FAM89A: variants seen among roughly 807,000 people sequenced by gnomAD.
The protein encoded by FAM89A is family with sequence similarity 89 member A.
Under a neutral mutation model 7.1 loss-of-function variants are expected in FAM89A, and 10 were observed. The ratio of observed to expected loss-of-function variants is 1.40; its 90% CI spans 0.86 to 2.38. The LOEUF (loss-of-function observed/expected upper bound fraction) is 2.38. Among genes scored for constraint, FAM89A ranks in the 30% most tolerant of loss-of-function variants. The probability of loss-of-function intolerance (pLI) is 0.00; values close to 1 mark genes in which losing one functional copy is unlikely to be tolerated. For synonymous variants in FAM89A, 157 were observed against 129.3 expected, an observed-to-expected ratio of 1.21 and a Z score of -1.45; for missense variants, 276 against 262.8, an observed-to-expected ratio of 1.05 and a Z score of -0.35.
rs920594500 is a variant in FAM89A, at chr1:231,019,098, C to T, written c.*765G>A. ...GCTTTCTAGCACACTAGTTTACATT[C>T]GGAATCTTAAAAATGAAAACATTTG... is the stretch of plus-strand genomic sequence containing the variant. On this transcript the variant is annotated 3_prime_UTR_variant, in exon 2 of 2. Coordinates refer to ENST00000366654, the MANE Select transcript of FAM89A (RefSeq NM_198552.3). The T allele has an allele frequency of 7.9e-5, 12 of 151,406 alleles. No homozygotes were observed. Among genetic ancestry groups the T allele is most frequent in the East Asian group, 3.9e-4 (2 of 5,164 alleles). The allele number at this position is 151,406 out of a possible 1,614,324, so 9.4% of individuals were successfully genotyped here. A position where few individuals can be genotyped will look rare whatever the true frequency, so the allele number is the denominator to read the frequency against.
intron 1 of FAM89A, among the ~76,000 whole-genome samples, chr1:231,032,083 T>A (rs1048091287): frequency 6.6e-6 from 1 of 152,228 alleles, no homozygotes; most frequent in African/African-American, 2.4e-5. Flanking sequence ...CTACTTTTCA[T>A]CACAAAATAA....
chr1:231,035,478 C>T lies in FAM89A; in HGVS notation c.291+4443G>A, dbSNP rs528526454. The stretch of plus-strand genomic sequence containing the variant: ...AAGAATCCCCAGGGATGCTGCTCCT[C>T]AAAGATCTCCTGCCCCCAGGGCTGA... On this transcript the variant is annotated intron_variant, in intron 1 of 1. Coordinates refer to ENST00000366654, the MANE Select transcript of FAM89A (RefSeq NM_198552.3). 2.0e-5 allele frequency among the ~76,000 whole-genome samples: 3 copies of T among 152,316 alleles called. No homozygotes were observed. In the East Asian group the frequency reaches 5.8e-4, roughly 29 times the overall value.
intron 1 of FAM89A, among the ~76,000 whole-genome samples, chr1:231,029,098 A>C (rs1488342085): frequency 6.6e-6 from 1 of 152,226 alleles, no homozygotes; most frequent in Non-Finnish European, 1.5e-5. Flanking sequence ...GACCACTAGG[A>C]AACAAGGCTT....
At chr1:231,034,975 T>A (rs1394248018) in intron 1 of FAM89A, among the ~76,000 whole-genome samples, 4 of 152,208 alleles carry the variant, frequency 2.6e-5, no homozygotes, top group Admixed American at 2.6e-4. Context: ...CCGCTAGACA[T>A]CCCCAGTCTC....
chr1:231,040,079 C>T lies in FAM89A; in HGVS notation c.133G>A (p.Gly45Arg), dbSNP rs898398332. Residue 45 changes from glycine (G) to arginine (R), a missense_variant, in exon 1 of 2, where the codon GGG becomes AGG. Transcript: ENST00000366654. ...LHSASGGGASGGWRHLERLYA... is the reference protein window; with the variant it reads ...LHSASGGGASRGWRHLERLYA... ...AGCCGCTCCAGGTGCCGCCAGCCCCCAGACGCGCCGCCGCCCGACGCCGAG... is the reference window on the plus strand; with the variant it reads ...AGCCGCTCCAGGTGCCGCCAGCCCCTAGACGCGCCGCCGCCCGACGCCGAG... 16 of 1,444,208 alleles carry T rather than the reference C, an allele frequency of 1.1e-5. No homozygotes were observed. Among genetic ancestry groups the T allele is most frequent in the Admixed American group, 2.3e-5 (1 of 43,184 alleles). The allele number at this position is 1,444,208 out of a possible 1,614,324, so 89.5% of individuals were successfully genotyped here.
At position 231,040,075 on chromosome 1, in the gene FAM89A, C is replaced by A. The variant is rs866545541; in HGVS notation, c.137G>T (p.Gly46Val). The A allele has an allele frequency of 6.9e-7, 1 of 1,443,022 alleles. No homozygotes were observed. Among genetic ancestry groups the A allele is most frequent in the Non-Finnish European group, 9.1e-7 (1 of 1,099,606 alleles). The allele number at this position is 1,443,022 out of a possible 1,614,324, so 89.4% of individuals were successfully genotyped here. A position where few individuals can be genotyped will look rare whatever the true frequency, so the allele number is the denominator to read the frequency against. Residue 46 changes from glycine to valine, a missense_variant, in exon 1 of 2, where the codon GGC (glycine) becomes GTC (valine). By Grantham distance (109) the Gly-to-Val change is moderately radical. Coordinates refer to ENST00000366654, the MANE Select transcript of FAM89A (RefSeq NM_198552.3). ...GTACAGCCGCTCCAGGTGCCGCCAG[C>A]CCCCAGACGCGCCGCCGCCCGACGC... ...HSASGGGASG[G>V]WRHLERLYAQ...
chr1:231,025,465 A>T (rs1420944785), intron 1 of FAM89A, among the ~76,000 whole-genome samples: 4 of 152,162 alleles, frequency 2.6e-5, no homozygotes, highest in Admixed American at 1.3e-4. Context: ...CGAAAGACAG[A>T]CAGTTTCCAG....
rs1680232514 is a variant in FAM89A, at chr1:231,039,982, G to A, written c.230C>T (p.Ala77Val). 1 of 1,377,146 alleles carries A rather than the reference G, an allele frequency of 7.3e-7. No homozygotes were observed. The highest frequency in any genetic ancestry group is 1.5e-5 in the African/African-American group (1 of 65,682). 85.3% of individuals were successfully genotyped at this position (1,377,146 alleles called of 1,614,324 possible). ...GGPGGGGARA[A>V]ALPAKPPNLD... ...GTTGGGAGGCTTGGCGGGCAGCGCTGCCGCCCGGGCCCCGCCGCCGCCCGG... is the reference window on the plus strand; with the variant it reads ...GTTGGGAGGCTTGGCGGGCAGCGCTACCGCCCGGGCCCCGCCGCCGCCCGG... Residue 77 changes from alanine (A) to valine (V), a missense_variant, in exon 1 of 2, where the codon GCA becomes GTA. By Grantham distance (64) the Ala-to-Val change is moderately conservative. Coordinates refer to ENST00000366654, the MANE Select transcript of FAM89A (RefSeq NM_198552.3).
chr1:231,019,961 T>G lies in FAM89A; in HGVS notation c.457A>C (p.Asn153His), dbSNP rs778031852. The change falls in exon 2 of 2, where the codon AAC becomes CAC. Residue 153 changes from asparagine to histidine, a missense_variant. By Grantham distance (68) the Asn-to-His change is moderately conservative. Coordinates refer to ENST00000366654, the MANE Select transcript of FAM89A (RefSeq NM_198552.3). ...CGGTCCCTCCTGTCGTGCAGGGAGT[T>G]CTGCTCCTGGAAATATTCCTCCTCT... ...DEEEEYFQEQ[N>H]SLHDRRDRGP... 6.2e-7 allele frequency: 1 copy of G among 1,614,104 alleles called. No individual in the cohort carries two copies. Among genetic ancestry groups the G allele is most frequent in the East Asian group, 2.2e-5 (1 of 44,862 alleles).
rs1679842566 is a variant in FAM89A, at chr1:231,019,964, G to A, written c.454C>T (p.Gln152Ter). Residue 152 changes from glutamine to a stop codon, truncating the protein, a stop_gained, in exon 2 of 2, where the codon CAG becomes TAG. Coordinates refer to ENST00000366654, the MANE Select transcript of FAM89A (RefSeq NM_198552.3). LOFTEE classifies it low-confidence loss of function (END_TRUNC). Reference sequence around the variant, plus strand: ...TCCCTCCTGTCGTGCAGGGAGTTCTGCTCCTGGAAATATTCCTCCTCTTCA... The same window carrying A: ...TCCCTCCTGTCGTGCAGGGAGTTCTACTCCTGGAAATATTCCTCCTCTTCA... Reference protein sequence around the residue: ...FDEEEEYFQEQNSLHDRRDRG... With the variant: ...FDEEEEYFQE 1.1e-5 allele frequency: 17 copies of A among 1,614,140 alleles called. No homozygotes were observed. The highest frequency in any genetic ancestry group is 1.4e-5 in the Non-Finnish European group (17 of 1,180,018).
intron 1 of FAM89A, among the ~76,000 whole-genome samples, chr1:231,037,072 G>C (rs1680168142): frequency 6.6e-6 from 1 of 152,026 alleles, no homozygotes; most frequent in African/African-American, 2.4e-5. Flanking sequence ...ATATATGTAT[G>C]TGTGTGTGTG....
At chr1:231,029,984 AAAGCCGAAG>A (rs1680042132) in intron 1 of FAM89A, among the ~76,000 whole-genome samples, 1 of 152,238 alleles carries the variant, frequency 6.6e-6, no homozygotes, top group South Asian at 2.1e-4. Flanking sequence ...GTGTTTAGAA[AAAGCCGAAG>A]AGAGACTTCA....
intron 1 of FAM89A, among the ~76,000 whole-genome samples, chr1:231,032,472 T>C (rs939650602): frequency 9.4e-5 from 14 of 149,594 alleles, no homozygotes; most frequent in Non-Finnish European, 1.5e-4. Flanking sequence ...TCTACCTTTG[T>C]CAGTCTTGGA....
chr1:231,040,249 C>T lies in FAM89A; in HGVS notation c.-38G>A, dbSNP rs1304759283. ...CGGCCACGCGCCTGCCCCGCTGCAG[C>T]GAACCAAGGCTTTCCCCCGGCCCGC... On this transcript the variant is annotated 5_prime_UTR_variant, in exon 1 of 2. Coordinates refer to ENST00000366654, the MANE Select transcript of FAM89A (RefSeq NM_198552.3). 2 of 1,025,788 alleles carry T rather than the reference C, an allele frequency of 1.9e-6. No individual in the cohort carries two copies. Among genetic ancestry groups the T allele is most frequent in the Non-Finnish European group, 2.3e-6 (2 of 857,626 alleles). The allele number at this position is 1,025,788 out of a possible 1,614,324, so 63.5% of individuals were successfully genotyped here. A position where few individuals can be genotyped will look rare whatever the true frequency, so the allele number is the denominator to read the frequency against.
chr1:231,020,235 G>A (rs1319231446), intron 1 of FAM89A, 109 bp from the exon 2 acceptor site: 33 of 1,152,802 alleles, frequency 2.9e-5, no homozygotes, highest in South Asian at 8.0e-5. Context: ...CCTTCCACAC[G>A]GCGCATGATT....
In FAM89A at chr1:231,022,250, T is replaced by C. The variant is rs570274264; in HGVS notation, c.292-2124A>G. 3.5e-4 allele frequency: 283 copies of C among 820,100 alleles called. 4 individuals carry two copies. In the African/African-American group the frequency reaches 3.9e-3, roughly 11 times the overall value. The allele number at this position is 820,100 out of a possible 1,614,324, so 50.8% of individuals were successfully genotyped here. ...TTCTCCAGTGGTATCTGCCTCCATT[T>C]TCCTGAGCTCAAAAAGACTGTTTTG... On this transcript the variant is annotated intron_variant, in intron 1 of 1. Coordinates refer to ENST00000366654, the MANE Select transcript of FAM89A (RefSeq NM_198552.3).
intron 1 of FAM89A, among the ~76,000 whole-genome samples, chr1:231,021,105 C>A (rs1679869462): frequency 6.6e-6 from 1 of 152,204 alleles, no homozygotes; most frequent in Non-Finnish European, 1.5e-5. Flanking sequence ...TCCACCAAGC[C>A]CCTATGGTGA....
chr1:231,021,866 G>C (rs1572353284), intron 1 of FAM89A: 2 of 1,587,938 alleles, frequency 1.3e-6, no homozygotes, highest in South Asian at 2.2e-5. Context: ...GCTGCCCCAG[G>C]ACCATGCTGA....
At chr1:231,024,947 G>A (rs952944025) in intron 1 of FAM89A, among the ~76,000 whole-genome samples, 8 of 111,114 alleles carry the variant, frequency 7.2e-5, no homozygotes, top group Non-Finnish European at 1.2e-4. Context: ...TTTTGAGACA[G>A]AGTCTTGCTC....
Sources: allele counts gnomAD v4.1 joint callset (sites outside exome capture counted in the v4.1 genomes callset), GRCh38; gene constraint gnomAD v4.1.1; transcripts MANE v1.5; gene names NCBI Gene and HGNC (gene_info 2026-07-23, HGNC 2026-07-21).